The following CDKL5 variants were observed in gnomAD, a reference collection of about 807,000 sequenced individuals.
CDKL5 encodes cyclin-dependent kinase-like 5.
CDKL5 carries 8 observed loss-of-function variants against 61.7 expected under a neutral mutation model. The observed-to-expected ratio is 0.13, with a 90% confidence interval of 0.08 to 0.23. The LOEUF (loss-of-function observed/expected upper bound fraction) is 0.23. Among genes scored for constraint, CDKL5 ranks in the 10% least tolerant of loss-of-function variants. The pLI, the probability that CDKL5 is intolerant of heterozygous loss-of-function variation, is 1.00. For missense variants in CDKL5, 440 were observed against 734.5 expected (o/e 0.60, Z 4.63); for synonymous variants, 275 against 272.3 (o/e 1.01, Z -0.10).
intron 1 of CDKL5, among the ~76,000 whole-genome samples, chrX:18,504,889 C>A (rs1421040154): frequency 2.9e-5 from 3 of 104,187 alleles, no homozygotes; most frequent in Non-Finnish European, 5.9e-5. Flanking sequence ...GTCGAGATCG[C>A]GCCACTGCAC....
At chrX:18,477,301 A>C (rs2147069214) in intron 1 of CDKL5, among the ~76,000 whole-genome samples, 1 of 101,400 alleles carries the variant, frequency 9.9e-6, no homozygotes, top group South Asian at 4.4e-4. Context: ...TCCTGACTTC[A>C]AGTGATCTGT....
intron 10 of CDKL5, among the ~76,000 whole-genome samples, chrX:18,597,848 G>A (rs904467145): frequency 1.8e-5 from 2 of 110,395 alleles, no homozygotes; most frequent in African/African-American, 6.6e-5. Context: ...CTCCTGCCTC[G>A]GCCTCCCAAA....
At chrX:18,648,550 C>A (rs1927890937) in intron 20 of CDKL5, among the ~76,000 whole-genome samples, 1 of 111,606 alleles carries the variant, frequency 9.0e-6, no homozygotes, top group Non-Finnish European at 1.9e-5. Flanking sequence ...GCCTCCCCTT[C>A]TTTTTGACTA....
chrX:18,635,765 A>G lies in CDKL5; in HGVS notation c.*7008A>G, dbSNP rs1410754255. ...TGTGCTAAGTGCTATGGAGAAAGCA[A>G]AGATGCACAGCTTAATAAGGGTTTT... On this transcript the variant is annotated 3_prime_UTR_variant, in exon 18 of 18. Coordinates refer to ENST00000623535, the MANE Select transcript of CDKL5 (RefSeq NM_001323289.2). 1 of 230,485 alleles carries G rather than the reference A, an allele frequency of 4.3e-6. No individual in the cohort carries two copies. Among genetic ancestry groups the G allele is most frequent in the East Asian group, 2.4e-4 (1 of 4,137 alleles). 19.0% of individuals were successfully genotyped at this position (230,485 alleles called of 1,213,427 possible).
intron 1 of CDKL5, among the ~76,000 whole-genome samples, chrX:18,491,911 G>A (rs1922008462): frequency 9.0e-6 from 1 of 111,324 alleles, no homozygotes. Flanking sequence ...CCTTGTTGAT[G>A]TGTATTTAGA....
At position 18,634,863 on chromosome X, in the gene CDKL5, A is replaced by G; in HGVS notation, c.*6106A>G. 1.3e-6 allele frequency: 1 copy of G among 749,449 alleles called. No individual in the cohort carries two copies. The highest frequency in any genetic ancestry group is 1.6e-6 in the Non-Finnish European group (1 of 636,445). 61.8% of individuals were successfully genotyped at this position (749,449 alleles called of 1,213,427 possible). On this transcript the variant is annotated 3_prime_UTR_variant, in exon 18 of 18. Transcript: ENST00000623535. Reference sequence around the variant, plus strand: ...ACTATTCAGAGCTTCTTCAATCTCTAGTAAGCTTGAAGGTGGTGTCTGGGA... The same window carrying G: ...ACTATTCAGAGCTTCTTCAATCTCTGGTAAGCTTGAAGGTGGTGTCTGGGA...
At chrX:18,568,350 C>G (rs766445642) in intron 4 of CDKL5, among the ~76,000 whole-genome samples, 1 of 112,130 alleles carries the variant, frequency 8.9e-6, no homozygotes, top group Non-Finnish European at 1.9e-5. Flanking sequence ...TTCAAGAAGT[C>G]TTTATTATCC....
rs398123694 is a variant in CDKL5 at position 18,628,527 on chromosome X, G to A, written c.2653G>A (p.Gly885Arg). 7 of 1,210,322 alleles carry A rather than the reference G, an allele frequency of 5.8e-6. No homozygotes were observed. Among genetic ancestry groups the A allele is most frequent in the South Asian group, 3.5e-5 (2 of 56,848 alleles). Reference sequence around the variant, plus strand: ...TCACCCCCTGAGCCAGGCCTCTGGCGGGAGCAGCAACATCCGGCAGGAACC... The same window carrying A: ...TCACCCCCTGAGCCAGGCCTCTGGCAGGAGCAGCAACATCCGGCAGGAACC... ...RIHPLSQASG[G>R]SSNIRQEPAP... Residue 885 changes from glycine (G) to arginine (R), a missense_variant, in exon 18 of 18, where the codon GGG becomes AGG. Gly to Arg is a moderately radical substitution (Grantham distance 125). This residue lies in a region of CDKL5 where 363 missense variants were observed against 516.3 expected (regional missense o/e 0.70). Transcript: ENST00000623535.
At chrX:18,494,355 C>A (rs1466596811) in intron 1 of CDKL5, among the ~76,000 whole-genome samples, 4 of 112,399 alleles carry the variant, frequency 3.6e-5, no homozygotes, top group African/African-American at 1.3e-4. Flanking sequence ...TCAAGTGATT[C>A]TCCTGCCTCA....
intron 15 of CDKL5, among the ~76,000 whole-genome samples, chrX:18,613,535 A>G (rs1156536966): frequency 1.8e-5 from 2 of 112,206 alleles, no homozygotes; most frequent in African/African-American, 3.2e-5. Context: ...TGTTGTTCTG[A>G]TATGAATGAT....
chrX:18,614,676 T>C (rs1926664200), intron 15 of CDKL5, among the ~76,000 whole-genome samples: 1 of 112,750 alleles, frequency 8.9e-6, no homozygotes, highest in Admixed American at 9.4e-5. Context: ...TGGTGTTCTT[T>C]CTCCATGTGA....
At chrX:18,542,674 T>G (rs984830870) in intron 3 of CDKL5, among the ~76,000 whole-genome samples, 13 of 108,945 alleles carry the variant, frequency 1.2e-4, no homozygotes, top group African/African-American at 3.4e-4. Flanking sequence ...TTTTTTTTTT[T>G]GTATCCTGGT....
intron 3 of CDKL5, among the ~76,000 whole-genome samples, chrX:18,530,051 G>A (rs1274639481): frequency 9.1e-6 from 1 of 110,220 alleles, no homozygotes; most frequent in East Asian, 2.8e-4. Context: ...TTATTTTGCC[G>A]GGCACGGTGG....
intron 1 of CDKL5, among the ~76,000 whole-genome samples, chrX:18,432,603 CTTTT>C (rs778402912): frequency 5.6e-5 from 5 of 89,973 alleles, no homozygotes; most frequent in African/African-American, 4.0e-5. Context: ...TAAAAGATGT[CTTTT>C]TTTTTTTTTT....
intron 4 of CDKL5, among the ~76,000 whole-genome samples, chrX:18,569,112 C>G (rs894897363): frequency 5.4e-5 from 6 of 111,928 alleles, no homozygotes; most frequent in African/African-American, 1.9e-4. Flanking sequence ...GGGATATAGA[C>G]TCCTATTAAA....
intron 3 of CDKL5, among the ~76,000 whole-genome samples, chrX:18,554,240 G>A (rs1215647092): frequency 1.9e-5 from 2 of 104,943 alleles, no homozygotes; most frequent in African/African-American, 3.5e-5. Context: ...GACAGGCCCC[G>A]GTGTGTGATG....
chrX:18,447,015 A>C (rs989690124), intron 1 of CDKL5, among the ~76,000 whole-genome samples: 4 of 110,747 alleles, frequency 3.6e-5, no homozygotes, highest in Non-Finnish European at 7.6e-5. Context: ...ATTCCCCTTC[A>C]TTCTCCCCAT....
rs1273092102 is a variant in CDKL5 at position 18,588,014 on chromosome X, C to T, written c.615C>T (p.Ser205=). 5.8e-6 allele frequency: 7 copies of T among 1,208,030 alleles called. No homozygotes were observed. The African/African-American group carries it at 7.0e-5, about 12-fold the overall frequency. The change falls in exon 9 of 18, where the codon AGC becomes AGT. Residue 205 remains serine (S), a synonymous_variant. Transcript: ENST00000623535. ...WSVGCILGEL[S]DGQPLFPGES... ...TGGGCTGTATTCTTGGGGAGCTTAG[C>T]GATGGACAGCCTTTATTTCCTGGAG...
chrX:18,527,269 G>C (rs1923479077), intron 3 of CDKL5, among the ~76,000 whole-genome samples: 1 of 111,912 alleles, frequency 8.9e-6, no homozygotes, highest in African/African-American at 3.2e-5. Flanking sequence ...AATGAGTTAG[G>C]AAGTATTCCC....
Sources: gnomAD v4.1 joint callset for allele counts (sites outside exome capture counted in the v4.1 genomes callset) on GRCh38, gnomAD v4.1.1 for gene constraint, gnomAD v4.1.1 regional missense constraint, MANE v1.5 for transcripts, NCBI Gene and HGNC (gene_info 2026-07-23, HGNC 2026-07-21) for gene names.